MRPS5: variants seen among roughly 807,000 people sequenced by gnomAD.
MRPS5 encodes small ribosomal subunit protein uS5m.
A neutral mutation model predicts 51.9 loss-of-function variants in MRPS5; 27 were observed. The observed-to-expected ratio is 0.52, with a 90% CI of 0.38 to 0.72. The LOEUF is 0.72. Among genes scored for constraint, MRPS5 ranks in the 30% least tolerant of loss-of-function variants. The probability of loss-of-function intolerance (pLI) is 0.00; values close to 1 mark genes in which losing one functional copy is unlikely to be tolerated. For missense variants in MRPS5, 570 were observed against 545.7 expected (o/e 1.04, Z -0.44); for synonymous variants, 196 against 193.2 (o/e 1.01, Z -0.12).
intron 7 of MRPS5, 154 bp from the exon 8 acceptor site, chr2:95,101,877 G>T (rs1675814985): frequency 8.4e-6 from 5 of 595,334 alleles, no homozygotes. Context: ...TAATAGGCTG[G>T]GTGTAATGAT....
intron 7 of MRPS5, chr2:95,104,199 G>C (rs1675881015): frequency 6.2e-6 from 1 of 162,412 alleles, no homozygotes; most frequent in Admixed American, 5.8e-5. Context: ...AACAAAACTA[G>C]GATTTTATAT....
intron 8 of MRPS5, 124 bp downstream of exon 8, chr2:95,101,553 T>C: frequency 4.3e-6 from 3 of 705,096 alleles, no homozygotes; most frequent in Non-Finnish European, 6.9e-6. Context: ...TAATTAACCC[T>C]TGACAGCAAG....
chr2:95,090,448 C>T lies in MRPS5; in HGVS notation c.1006G>A (p.Val336Ile). The change falls in exon 11 of 12, where the codon GTC becomes ATC. Residue 336 changes from valine (V) to isoleucine (I), a missense_variant. Val to Ile is a conservative substitution (Grantham distance 29, BLOSUM62 3). Transcript: ENST00000272418. ...CTGAGCATATTAATGGACCCAGAGA[C>T]CTTGGCATACATGTCTTTGATGCCA... ...LIGIKDMYAK[V>I]SGSINMLSLT... is the part of the protein sequence containing the mutation. 1.2e-6 allele frequency: 2 copies of T among 1,614,170 alleles called. No individual in the cohort carries two copies. The highest frequency in any genetic ancestry group is 1.7e-6 in the Non-Finnish European group (2 of 1,180,032).
chr2:95,112,335 G>C (rs1237032369), intron 3 of MRPS5, among the ~76,000 whole-genome samples: 1 of 152,068 alleles, frequency 6.6e-6, no homozygotes, highest in Non-Finnish European at 1.5e-5. Context: ...AAAGCGCTAG[G>C]ATTACAGGCA....
At chr2:95,118,050 A>C in intron 1 of MRPS5, 105 bp from the exon 2 acceptor site, 1 of 803,990 alleles carries the variant, frequency 1.2e-6, no homozygotes, top group Non-Finnish European at 1.9e-6. Flanking sequence ...AACCAAGACG[A>C]GGGAGTAAGT....
intron 2 of MRPS5, among the ~76,000 whole-genome samples, chr2:95,116,018 G>A (rs965876407): frequency 6.6e-6 from 1 of 150,758 alleles, no homozygotes; most frequent in Non-Finnish European, 1.5e-5. Context: ...CGATTCTCCT[G>A]CCTCAGCCTC....
At chr2:95,102,148 T>A (rs1284735419) in intron 7 of MRPS5, among the ~76,000 whole-genome samples, 4 of 150,308 alleles carry the variant, frequency 2.7e-5, no homozygotes. Flanking sequence ...CAAGACCCTG[T>A]CTCAAAACAA....
intron 10 of MRPS5, 59 bp downstream of exon 10, chr2:95,100,415 T>C (rs1181333442): frequency 4.7e-6 from 6 of 1,271,788 alleles, no homozygotes; most frequent in Admixed American, 1.8e-5. Context: ...GAGGAGAGGA[T>C]AGAACTGTTA....
intron 11 of MRPS5, among the ~76,000 whole-genome samples, chr2:95,090,125 C>T (rs1675416595): frequency 7.4e-6 from 1 of 135,404 alleles, no homozygotes; most frequent in African/African-American, 2.8e-5. Context: ...TGCAGTGAGC[C>T]GGGATCCCGC....
intron 6 of MRPS5, 33 bp from the exon 7 acceptor site, chr2:95,104,763 A>G (rs1675902266): frequency 1.9e-6 from 3 of 1,600,302 alleles, no homozygotes; most frequent in Non-Finnish European, 2.6e-6. Flanking sequence ...AATATTGCAC[A>G]TTAAGAAAAT....
At chr2:95,112,005 T>C (rs1676133842) in intron 3 of MRPS5, among the ~76,000 whole-genome samples, 1 of 152,216 alleles carries the variant, frequency 6.6e-6, no homozygotes, top group Admixed American at 6.5e-5. Flanking sequence ...TCTGTCATTT[T>C]TCCAGAAGGG....
chr2:95,105,975 G>A (rs1321026494), intron 6 of MRPS5, among the ~76,000 whole-genome samples: 1 of 152,078 alleles, frequency 6.6e-6, no homozygotes, highest in Non-Finnish European at 1.5e-5. Flanking sequence ...AGTTTCAAGG[G>A]CCTGTGAGCA....
At chr2:95,119,933 T>C (rs950960825) in intron 1 of MRPS5, among the ~76,000 whole-genome samples, 2 of 151,956 alleles carry the variant, frequency 1.3e-5, no homozygotes, top group African/African-American at 4.8e-5. Flanking sequence ...CATGGTGGCA[T>C]GCACCTGTAA....
At chr2:95,108,813 A>G (rs553181905) in intron 4 of MRPS5, among the ~76,000 whole-genome samples, 11 of 152,334 alleles carry the variant, frequency 7.2e-5, no homozygotes, top group African/African-American at 2.4e-4. Flanking sequence ...TCCAAGACCT[A>G]TTATTGAGTG....
chr2:95,116,371 T>A (rs1573352770), intron 2 of MRPS5, among the ~76,000 whole-genome samples: 1 of 152,200 alleles, frequency 6.6e-6, no homozygotes, highest in South Asian at 2.1e-4. Context: ...TCATTACTAA[T>A]AAATTTAGAA....
rs776630688 is a variant in MRPS5, at chr2:95,115,196, C to T, written c.147G>A (p.Leu49=). 1 of 1,598,706 alleles carries T rather than the reference C, an allele frequency of 6.3e-7. No individual in the cohort carries two copies. Among genetic ancestry groups the T allele is most frequent in the Non-Finnish European group, 8.5e-7 (1 of 1,175,564 alleles). The change falls in exon 3 of 12, where the codon TTG becomes TTA. Residue 49 remains leucine, a synonymous_variant. Transcript: ENST00000272418. ...GGGTGTCTCTGGTTCCCAGTGATGA[C>T]AAATGGCCTGTAGGCAGATGGGTTA... The part of the protein sequence containing the change: ...AWKSVLGNGH[L]SSLGTRDTHP...
At chr2:95,116,826 G>A (rs1189309883) in intron 2 of MRPS5, among the ~76,000 whole-genome samples, 10 of 152,108 alleles carry the variant, frequency 6.6e-5, no homozygotes, top group Admixed American at 1.3e-4. Flanking sequence ...GTGAAACCCC[G>A]TCTCTACTAA....
intron 3 of MRPS5, among the ~76,000 whole-genome samples, chr2:95,114,169 T>G (rs1316882574): frequency 6.6e-6 from 1 of 150,426 alleles, no homozygotes; most frequent in South Asian, 2.1e-4. Flanking sequence ...TATTTCATAG[T>G]AGGAATACAG....
intron 10 of MRPS5, chr2:95,093,130 T>G (rs1675517939): frequency 6.6e-6 from 1 of 152,230 alleles, no homozygotes; most frequent in South Asian, 2.1e-4. Context: ...GATCAAACTG[T>G]GAGGCAGCAG....
Sources: gnomAD v4.1 joint callset for allele counts (sites outside exome capture counted in the v4.1 genomes callset) on GRCh38, gnomAD v4.1.1 for gene constraint, MANE v1.5 for transcripts, NCBI Gene and HGNC (gene_info 2026-07-23, HGNC 2026-07-21) for gene names.